The following ANKRD17 variants were observed in gnomAD, a reference collection of about 807,000 sequenced individuals.
ANKRD17 encodes ankyrin repeat domain 17.
ANKRD17 carries 19 observed loss-of-function variants against 229.7 expected under a neutral mutation model. The observed-to-expected ratio is 0.08, with a 90% confidence interval of 0.06 to 0.12. The LOEUF (loss-of-function observed/expected upper bound fraction) is 0.12. ANKRD17 is among the 10% of genes least tolerant of loss of function. The pLI is 1.00. For synonymous variants in ANKRD17, 1,112 were observed against 1,146.1 expected (o/e 0.97, Z 0.60); for missense variants, 2,176 against 3,176.8 (o/e 0.68, Z 7.57).
chr4:73,244,704 T>C (rs1160727717), intron 1 of ANKRD17, among the ~76,000 whole-genome samples: 1 of 152,154 alleles, frequency 6.6e-6, no homozygotes, highest in African/African-American at 2.4e-5. Context: ...TGATCCATCC[T>C]ATACCTTAAC....
At chr4:73,192,138 T>G (rs1221484099) in intron 1 of ANKRD17, among the ~76,000 whole-genome samples, 1 of 152,108 alleles carries the variant, frequency 6.6e-6, no homozygotes, top group Non-Finnish European at 1.5e-5. Context: ...AACTTATTAA[T>G]AGTGACATTT....
chr4:73,078,435 G>A (rs1319682824), intron 31 of ANKRD17, among the ~76,000 whole-genome samples: 2 of 152,104 alleles, frequency 1.3e-5, no homozygotes, highest in Non-Finnish European at 2.9e-5. Context: ...CTACTTGGGA[G>A]GCTGTGGCAG....
chr4:73,124,869 C>T (rs747913934), intron 18 of ANKRD17, 44 bp downstream of exon 18: 20 of 1,594,216 alleles, frequency 1.3e-5, no homozygotes, highest in African/African-American at 2.7e-5. Flanking sequence ...TACACATTTG[C>T]TAAACAGAGA....
At chr4:73,187,355 C>T (rs997218585) in intron 1 of ANKRD17, among the ~76,000 whole-genome samples, 11 of 152,072 alleles carry the variant, frequency 7.2e-5, no homozygotes, top group African/African-American at 2.2e-4. Flanking sequence ...TATAATACAA[C>T]GTATTTTTAA....
At chr4:73,185,689 C>G (rs556454145) in intron 1 of ANKRD17, among the ~76,000 whole-genome samples, 1 of 151,712 alleles carries the variant, frequency 6.6e-6, no homozygotes. Context: ...ACTTTGGCTA[C>G]AAAAAATAAA....
At chr4:73,244,740 G>T (rs1263005282) in intron 1 of ANKRD17, among the ~76,000 whole-genome samples, 1 of 152,078 alleles carries the variant, frequency 6.6e-6, no homozygotes. Flanking sequence ...GAAATGACAC[G>T]CTGCTCTAAC....
At chr4:73,133,516 G>A (rs1185285579) in intron 16 of ANKRD17, among the ~76,000 whole-genome samples, 1 of 148,266 alleles carries the variant, frequency 6.7e-6, no homozygotes, top group Non-Finnish European at 1.5e-5. Context: ...TCAGCCTCCC[G>A]AGTAGCTGGG....
chr4:73,151,318 A>C, intron 7 of ANKRD17, 112 bp downstream of exon 7: 1 of 892,606 alleles, frequency 1.1e-6, no homozygotes, highest in African/African-American at 1.7e-5. Flanking sequence ...CTGATTCAAT[A>C]AGGTTCTGAC....
At chr4:73,137,061 C>T (rs1478152662) in intron 15 of ANKRD17, among the ~76,000 whole-genome samples, 1 of 146,116 alleles carries the variant, frequency 6.8e-6, no homozygotes, top group Non-Finnish European at 1.5e-5. Flanking sequence ...TCAATTATCT[C>T]ATCATTTCCT....
At chr4:73,180,358 G>A (rs2061179459) in intron 1 of ANKRD17, among the ~76,000 whole-genome samples, 1 of 152,216 alleles carries the variant, frequency 6.6e-6, no homozygotes, top group Admixed American at 6.5e-5. Context: ...GAAAAGATAG[G>A]TTAGAAGTTA....
At chr4:73,239,627 T>C (rs532851829) in intron 1 of ANKRD17, among the ~76,000 whole-genome samples, 126 of 152,296 alleles carry the variant, frequency 8.3e-4, no homozygotes, top group African/African-American at 3.0e-3. Flanking sequence ...TAGGATTACA[T>C]ACACTTACAA....
intron 2 of ANKRD17, among the ~76,000 whole-genome samples, chr4:73,164,873 A>G (rs569701602): frequency 6.6e-6 from 1 of 150,810 alleles, no homozygotes; most frequent in Non-Finnish European, 1.5e-5. Flanking sequence ...ACAAAACCAT[A>G]GAAATTCAGA....
chr4:73,079,169 T>A (rs545820527), intron 30 of ANKRD17, among the ~76,000 whole-genome samples: 1 of 152,156 alleles, frequency 6.6e-6, no homozygotes, highest in Admixed American at 6.5e-5. Flanking sequence ...TTAAGTAAAA[T>A]GTAGCAAGCA....
At chr4:73,257,195 T>C (rs1217032236) in intron 1 of ANKRD17, among the ~76,000 whole-genome samples, 1 of 152,150 alleles carries the variant, frequency 6.6e-6, no homozygotes, top group Non-Finnish European at 1.5e-5. Context: ...CAAATAAAGA[T>C]TTTTCTAGAT....
intron 25 of ANKRD17, chr4:73,099,040 GA>G: frequency 2.0e-6 from 2 of 984,054 alleles, no homozygotes; most frequent in South Asian, 1.3e-5. Context: ...CCAAGACCCG[GA>G]AAACCACCAC....
At chr4:73,233,645 C>A (rs775105616) in intron 1 of ANKRD17, among the ~76,000 whole-genome samples, 2 of 152,130 alleles carry the variant, frequency 1.3e-5, no homozygotes, top group Non-Finnish European at 2.9e-5. Context: ...ATATCCTCTA[C>A]CTTGGGATTA....
At chr4:73,256,413 A>G (rs1745458057) in intron 1 of ANKRD17, among the ~76,000 whole-genome samples, 1 of 152,210 alleles carries the variant, frequency 6.6e-6, no homozygotes, top group Non-Finnish European at 1.5e-5. Context: ...AATTTTAAGT[A>G]ATGGTATTTT....
At chr4:73,093,333 A>G (rs1202976578) in intron 28 of ANKRD17, among the ~76,000 whole-genome samples, 3 of 151,304 alleles carry the variant, frequency 2.0e-5, no homozygotes, top group Non-Finnish European at 4.4e-5. Flanking sequence ...GTTATTCAAG[A>G]TAAGTTATAT....
intron 1 of ANKRD17, among the ~76,000 whole-genome samples, chr4:73,182,411 G>A (rs987858489): frequency 1.3e-5 from 2 of 152,118 alleles, no homozygotes; most frequent in African/African-American, 4.8e-5. Flanking sequence ...ATTTAAATAG[G>A]AGATTTCTAA....
Sources: gnomAD v4.1 joint callset for allele counts (sites outside exome capture counted in the v4.1 genomes callset) on GRCh38, gnomAD v4.1.1 for gene constraint, MANE v1.5 for transcripts, NCBI Gene and HGNC (gene_info 2026-07-23, HGNC 2026-07-21) for gene names.